CRACD: variants seen among roughly 807,000 people sequenced by gnomAD.
CRACD encodes the protein capping protein-inhibiting regulator of actin dynamics.
Under a neutral mutation model 106.8 loss-of-function variants are expected in CRACD, and 56 were observed. The observed-to-expected ratio is 0.52, with a 90% CI of 0.42 to 0.66. The LOEUF is 0.66. CRACD is among the 30% of genes least tolerant of loss of function. The pLI is 0.00. For synonymous variants in CRACD, 754 were observed against 670.8 expected, an observed-to-expected ratio of 1.12 and a Z score of -1.92; for missense variants, 1,730 against 1,623.2, an observed-to-expected ratio of 1.07 and a Z score of -1.13.
chr4:56,061,964 T>A (rs2109786905), intron 1 of CRACD, among the ~76,000 whole-genome samples: 1 of 152,354 alleles, frequency 6.6e-6, no homozygotes, highest in African/African-American at 2.4e-5. Context: ...GGGCAGAATC[T>A]TTTTTGCACT....
intron 1 of CRACD, among the ~76,000 whole-genome samples, chr4:56,123,199 G>A (rs1022528070): frequency 1.3e-5 from 2 of 152,220 alleles, no homozygotes; most frequent in African/African-American, 4.8e-5. Flanking sequence ...ACTGTTCTAA[G>A]TACTTCACAT....
At position 56,184,716 on chromosome 4, in the gene CRACD, C is replaced by T. The variant is rs532971815; in HGVS notation, c.-189+5286C>T. Among the ~76,000 whole-genome samples, 88 of 152,250 alleles carry T rather than the reference C, an allele frequency of 5.8e-4. 1 individual carries two copies. The highest frequency in any genetic ancestry group is 6.8e-3 in the Middle Eastern group (2 of 294). ...TGCTACCAACATTCAGGTAAGTACTCGGCTTTTCACAGGAAAGCCCCAAAG... is the reference window on the plus strand; with the variant it reads ...TGCTACCAACATTCAGGTAAGTACTTGGCTTTTCACAGGAAAGCCCCAAAG... On this transcript the variant is annotated intron_variant, in intron 2 of 10. Coordinates refer to ENST00000682029, the MANE Select transcript of CRACD (RefSeq NM_001393381.1).
Position 56,314,311 on chromosome 4 carries a change from T to TGGA in CRACD, c.818_820dup (p.Glu273dup). On this transcript the variant is annotated inframe_insertion, in exon 8 of 11. Coordinates refer to ENST00000682029, the MANE Select transcript of CRACD (RefSeq NM_001393381.1). The surrounding 1 kb of genome is among the most constrained non-coding windows in gnomAD (Gnocchi z 4.4). The stretch of plus-strand genomic sequence containing the variant: ...GAAGAGAACAGAAGGCAGGAGCTCT[T>TGGA]GGAGGAGGAGGGCGAGGGGCAGGAG... The TGGA allele has an allele frequency of 1.3e-6, 2 of 1,552,178 alleles. No homozygotes were observed. The highest frequency in any genetic ancestry group is 1.7e-6 in the Non-Finnish European group (2 of 1,147,656).
In CRACD at chr4:56,314,679, C is replaced by A. The variant is rs768395169; in HGVS notation, c.1177C>A (p.Arg393=). 2 of 1,548,978 alleles carry A rather than the reference C, an allele frequency of 1.3e-6. No individual in the cohort carries two copies. Among genetic ancestry groups the A allele is most frequent in the South Asian group, 2.4e-5 (2 of 83,962 alleles). Residue 393 remains arginine, a synonymous_variant, in exon 8 of 11, where the codon CGG becomes AGG. Coordinates refer to ENST00000682029, the MANE Select transcript of CRACD (RefSeq NM_001393381.1). This position sits in a 1 kb window ranked among gnomAD's most constrained non-coding sequence, Gnocchi z 4.4. ...PEALEETGEG[R]RGAEEEDLGE... ...GGCGTTGGAGGAGACTGGGGAGGGCCGGCGGGGCGCGGAGGAGGAGGATCT... is the reference window on the plus strand; with the variant it reads ...GGCGTTGGAGGAGACTGGGGAGGGCAGGCGGGGCGCGGAGGAGGAGGATCT...
In CRACD at chr4:56,088,656, C is replaced by G. The variant is rs146073250; in HGVS notation, c.-336+39357C>G. Among the ~76,000 whole-genome samples the G allele has an allele frequency of 2.0e-5, 3 of 152,182 alleles. 1 individual carries two copies. Among genetic ancestry groups the G allele is most frequent in the Non-Finnish European group, 1.5e-5 (1 of 68,034 alleles). On this transcript the variant is annotated intron_variant, in intron 1 of 10. Coordinates refer to ENST00000682029, the MANE Select transcript of CRACD (RefSeq NM_001393381.1). The stretch of plus-strand genomic sequence containing the variant: ...ATTTGTGCCAAGTTACTTACTGCCT[C>G]TAAGGCTCTCATCTTTAAAATGGGC...
intron 1 of CRACD, among the ~76,000 whole-genome samples, chr4:56,107,515 C>T (rs979353566): frequency 6.6e-6 from 1 of 151,766 alleles, no homozygotes; most frequent in African/African-American, 2.4e-5. Flanking sequence ...CTCTTCTTTA[C>T]TTCAAAAGTT....
intron 3 of CRACD, among the ~76,000 whole-genome samples, chr4:56,290,893 C>G (rs1743667447): frequency 6.6e-6 from 1 of 152,164 alleles, no homozygotes; most frequent in African/African-American, 2.4e-5. Context: ...AACTGTTGCT[C>G]AGATACCAGT....
chr4:56,316,680 G>A lies in CRACD; in HGVS notation c.3178G>A (p.Gly1060Arg), dbSNP rs1336165783. Residue 1060 changes from glycine (G) to arginine (R), a missense_variant, in exon 8 of 11, where the codon GGG becomes AGG. Physicochemically the swap from Gly to Arg is moderately radical, Grantham distance 125 (BLOSUM62 -2). This residue lies in a region of CRACD where 1,620 missense variants were observed against 1,481.6 expected (regional missense o/e 1.09). Coordinates refer to ENST00000682029, the MANE Select transcript of CRACD (RefSeq NM_001393381.1). ...QEKPSQTPEA[G>R]RKEKPMLQSR... Reference sequence around the variant, plus strand: ...GAAACCTTCTCAAACACCCGAGGCCGGGAGGAAAGGTAGGTAGCTGCAGGG... The same window carrying A: ...GAAACCTTCTCAAACACCCGAGGCCAGGAGGAAAGGTAGGTAGCTGCAGGG... 6 of 1,606,926 alleles carry A rather than the reference G, an allele frequency of 3.7e-6. No homozygotes were observed. Among genetic ancestry groups the A allele is most frequent in the Non-Finnish European group, 4.3e-6 (5 of 1,175,532 alleles).
intron 1 of CRACD, among the ~76,000 whole-genome samples, chr4:56,144,867 T>A (rs1319092398): frequency 6.6e-6 from 1 of 152,182 alleles, no homozygotes; most frequent in Non-Finnish European, 1.5e-5. Flanking sequence ...TTGGCCAGGC[T>A]GGTCTCGAAC....
At chr4:56,065,914 C>T (rs1732451203) in intron 1 of CRACD, among the ~76,000 whole-genome samples, 1 of 152,122 alleles carries the variant, frequency 6.6e-6, no homozygotes, top group Non-Finnish European at 1.5e-5. Flanking sequence ...TTCCTGATTC[C>T]CTCATGTAAA....
chr4:56,206,739 T>C (rs1487882541), intron 2 of CRACD, among the ~76,000 whole-genome samples: 2 of 152,150 alleles, frequency 1.3e-5, no homozygotes, highest in African/African-American at 4.8e-5. Context: ...GTTTAAAAAT[T>C]CTCCCCTTTT....
intron 3 of CRACD, among the ~76,000 whole-genome samples, chr4:56,285,587 G>A (rs775184916): frequency 1.3e-5 from 2 of 151,980 alleles, no homozygotes; most frequent in African/African-American, 2.4e-5. Context: ...CAACAGGCAC[G>A]GGCCACCACG....
chr4:56,217,937 T>G (rs1738797429), intron 2 of CRACD, among the ~76,000 whole-genome samples: 1 of 152,190 alleles, frequency 6.6e-6, no homozygotes, highest in African/African-American at 2.4e-5. Flanking sequence ...TGGCTCCTTC[T>G]GAGGGCTGTG....
At chr4:56,162,589 T>C (rs1422741583) in intron 1 of CRACD, among the ~76,000 whole-genome samples, 1 of 152,218 alleles carries the variant, frequency 6.6e-6, no homozygotes, top group Admixed American at 6.5e-5. Context: ...AACAAGTAAG[T>C]AGTTAAGAGC....
At chr4:56,252,951 A>G (rs975262749) in intron 2 of CRACD, among the ~76,000 whole-genome samples, 1 of 152,182 alleles carries the variant, frequency 6.6e-6, no homozygotes, top group Non-Finnish European at 1.5e-5. Flanking sequence ...AGGTTCACAT[A>G]TTTTGTGCAG....
At chr4:56,088,110 C>T (rs1733290846) in intron 1 of CRACD, among the ~76,000 whole-genome samples, 1 of 151,226 alleles carries the variant, frequency 6.6e-6, no homozygotes, top group Non-Finnish European at 1.5e-5. Flanking sequence ...TGATCAGGCT[C>T]CTCCATCTCT....
chr4:56,224,340 G>A (rs562749593), intron 2 of CRACD, among the ~76,000 whole-genome samples: 24 of 152,114 alleles, frequency 1.6e-4, no homozygotes, highest in African/African-American at 5.8e-4. Flanking sequence ...GTCTTTTGTT[G>A]TGTTGGCTGC....
chr4:56,228,305 C>T (rs1739422591), intron 2 of CRACD, among the ~76,000 whole-genome samples: 1 of 152,076 alleles, frequency 6.6e-6, no homozygotes, highest in Admixed American at 6.6e-5. Context: ...ATTTGGTCTT[C>T]TAACAGAAAC....
intron 2 of CRACD, among the ~76,000 whole-genome samples, chr4:56,227,810 G>A (rs1049077326): frequency 6.6e-6 from 1 of 152,134 alleles, no homozygotes. Flanking sequence ...GTTATATCTG[G>A]CAATACACAC....
Sources: gnomAD v4.1 joint callset for allele counts (sites outside exome capture counted in the v4.1 genomes callset) on GRCh38, gnomAD v4.1.1 for gene constraint, gnomAD v4.1.1 regional missense constraint, Gnocchi (gnomAD v3.1) non-coding constraint, MANE v1.5 for transcripts, NCBI Gene and HGNC (gene_info 2026-07-23, HGNC 2026-07-21) for gene names.